MPP7: variants seen among roughly 807,000 people sequenced by gnomAD.
MPP7 encodes the protein MAGUK p55 scaffold protein 7.
Under a neutral mutation model 76.5 loss-of-function variants are expected in MPP7, and 60 were observed. The observed-to-expected ratio is 0.78, with a 90% CI of 0.64 to 0.97. MPP7 has a LOEUF of 0.97. Among genes scored for constraint, MPP7 ranks in the 50% least tolerant of loss-of-function variants. MPP7 has a pLI of 0.00. For synonymous variants in MPP7, 237 were observed against 244.5 expected (o/e 0.97, Z 0.29); for missense variants, 641 against 694.0 (o/e 0.92, Z 0.86).
chr10:28,262,208 CATATATATATATATATACATAT>C lies in MPP7; in HGVS notation c.-131-23495_-131-23474del, dbSNP rs1226852623. On this transcript the variant is annotated intron_variant, in intron 1 of 16. Transcript: ENST00000683449. Reference sequence around the variant, plus strand: ...AATTATATATATATATATATATATACATATATATATATATATACATATATATATATATATACATATATATATA... The same window carrying C: ...AATTATATATATATATATATATATACATATATATATATACATATATATATA... Among the ~76,000 whole-genome samples, 7 of 60,074 alleles carry C rather than the reference CATATATATATATATATACATAT, an allele frequency of 1.2e-4. 1 individual carries two copies. Among genetic ancestry groups the C allele is most frequent in the African/African-American group, 3.9e-4 (4 of 10,384 alleles). The allele number at this position is 60,074 out of a possible 152,430, so 39.4% of individuals were successfully genotyped here. A position where few individuals can be genotyped will look rare whatever the true frequency, so the allele number is the denominator to read the frequency against.
chr10:28,326,230 G>A (rs965815341), intron 2 of MPP7, among the ~76,000 whole-genome samples: 1 of 152,126 alleles, frequency 6.6e-6, no homozygotes, highest in Non-Finnish European at 1.5e-5. Context: ...AATTATTGGG[G>A]TTTTTCTGTA....
chr10:28,054,496 C>T (rs1324821177), intron 16 of MPP7, among the ~76,000 whole-genome samples: 1 of 152,100 alleles, frequency 6.6e-6, no homozygotes, highest in African/African-American at 2.4e-5. Context: ...AACTGAATTG[C>T]AGGATAATGA....
chr10:28,213,240 G>A (rs1233614296), intron 2 of MPP7, among the ~76,000 whole-genome samples: 2 of 152,074 alleles, frequency 1.3e-5, no homozygotes, highest in Non-Finnish European at 2.9e-5. Context: ...TGTACGGGAA[G>A]TGGGGTAAAG....
At chr10:28,078,172 GCTGT>G (rs1393406246) in intron 12 of MPP7, among the ~76,000 whole-genome samples, 1 of 152,166 alleles carries the variant, frequency 6.6e-6, no homozygotes, top group East Asian at 1.9e-4. Context: ...CTGTTGCTCT[GCTGT>G]CTGTTTATGG....
At chr10:28,240,686 T>C (rs1839238912) in intron 1 of MPP7, among the ~76,000 whole-genome samples, 1 of 152,162 alleles carries the variant, frequency 6.6e-6, no homozygotes. Context: ...AAAGCAACTT[T>C]GCTTTGCCTT....
chr10:28,189,570 CAAAAAAAAAAAAAA>C (rs59436299), intron 3 of MPP7, among the ~76,000 whole-genome samples: 5 of 69,520 alleles, frequency 7.2e-5, no homozygotes, highest in East Asian at 4.0e-4. Context: ...GACCCTGTCT[CAAAAAAAAAAAAAA>C]AAAAAAAAAA....
intron 3 of MPP7, among the ~76,000 whole-genome samples, chr10:28,174,796 C>T: frequency 6.6e-6 from 1 of 152,174 alleles, no homozygotes; most frequent in East Asian, 1.9e-4. Flanking sequence ...ACAGCAGTGG[C>T]ATTACCAAAG....
chr10:28,165,005 C>T (rs557493803), intron 3 of MPP7, among the ~76,000 whole-genome samples: 1 of 152,204 alleles, frequency 6.6e-6, no homozygotes, highest in East Asian at 1.9e-4. Flanking sequence ...TGGCTTAACA[C>T]AATAATGGCA....
intron 1 of MPP7, among the ~76,000 whole-genome samples, chr10:28,276,634 C>T (rs1427178116): frequency 6.6e-6 from 1 of 152,034 alleles, no homozygotes; most frequent in Non-Finnish European, 1.5e-5. Context: ...GGAGGCATCA[C>T]ACATGGGTGC....
chr10:28,141,239 T>C (rs1835508221), intron 5 of MPP7, among the ~76,000 whole-genome samples: 1 of 151,962 alleles, frequency 6.6e-6, no homozygotes, highest in Non-Finnish European at 1.5e-5. Context: ...TGTAAAATAT[T>C]CTATCAGAAA....
Position 28,280,798 on chromosome 10 carries a change from G to A in MPP7, c.-132+22063C>T, listed in dbSNP as rs543979876. On this transcript the variant is annotated intron_variant, in intron 1 of 16. Transcript: ENST00000683449. Reference sequence around the variant, plus strand: ...CGCAGGCCAGACAAAGGTCACATGCGACCTCCACATAACAGGGTCAAAACT... The same window carrying A: ...CGCAGGCCAGACAAAGGTCACATGCAACCTCCACATAACAGGGTCAAAACT... Among the ~76,000 whole-genome samples the A allele has an allele frequency of 4.0e-4, 61 of 152,182 alleles. 1 individual carries two copies. The South Asian group carries it at 4.6e-3, about 11-fold the overall frequency.
chr10:28,248,893 A>G (rs1245800110), intron 1 of MPP7, among the ~76,000 whole-genome samples: 1 of 152,118 alleles, frequency 6.6e-6, no homozygotes, highest in Admixed American at 6.6e-5. Flanking sequence ...GGATGCTCCC[A>G]CAAGGACCAA....
chr10:28,066,215 C>A (rs992668255), intron 13 of MPP7, among the ~76,000 whole-genome samples: 3 of 152,056 alleles, frequency 2.0e-5, no homozygotes, highest in African/African-American at 7.2e-5. Context: ...ATCAATCAAT[C>A]AATAAGAAAC....
intron 13 of MPP7, among the ~76,000 whole-genome samples, chr10:28,062,658 T>C (rs1851841035): frequency 6.6e-6 from 1 of 151,170 alleles, no homozygotes; most frequent in African/African-American, 2.4e-5. Context: ...AACAATCATC[T>C]CAACGTATGC....
chr10:28,127,460 T>G (rs1835054039), intron 6 of MPP7, among the ~76,000 whole-genome samples: 1 of 152,126 alleles, frequency 6.6e-6, no homozygotes, highest in Non-Finnish European at 1.5e-5. Flanking sequence ...GAAAGGAAGG[T>G]TTAATGGACT....
At chr10:28,291,464 G>C (rs907956299) in intron 1 of MPP7, among the ~76,000 whole-genome samples, 11 of 152,194 alleles carry the variant, frequency 7.2e-5, no homozygotes, top group African/African-American at 2.4e-4. Context: ...AATTAGCCAG[G>C]TGTGGTAGCA....
At chr10:28,323,691 A>G (rs973784933) in intron 2 of MPP7, among the ~76,000 whole-genome samples, 3 of 101,080 alleles carry the variant, frequency 3.0e-5, no homozygotes, top group Non-Finnish European at 3.7e-5. Context: ...CACACAAAAA[A>G]TAATAAATAA....
At chr10:28,149,716 A>AT (rs5784043) in intron 4 of MPP7, among the ~76,000 whole-genome samples, 50,183 of 152,032 alleles carry the variant, frequency 0.33, 9,877 homozygotes, top group East Asian at 0.81. Context: ...CTCTCTCTCC[A>AT]GAGTTTAAAG....
At chr10:28,323,789 G>A (rs1174211212) in intron 2 of MPP7, among the ~76,000 whole-genome samples, 2 of 152,158 alleles carry the variant, frequency 1.3e-5, no homozygotes, top group East Asian at 3.9e-4. Context: ...CCACACTGAT[G>A]GAGCTTGATG....
Sources: allele counts gnomAD v4.1 joint callset (sites outside exome capture counted in the v4.1 genomes callset), GRCh38; gene constraint gnomAD v4.1.1; transcripts MANE v1.5; gene names NCBI Gene and HGNC (gene_info 2026-07-23, HGNC 2026-07-21).